CNTNAP5: variants seen among roughly 807,000 people sequenced by gnomAD.
The protein encoded by CNTNAP5 is contactin-associated protein-like 5.
CNTNAP5 carries 72 observed loss-of-function variants against 150.2 expected under a neutral mutation model. The observed-to-expected ratio is 0.48, with a 90% confidence interval of 0.40 to 0.58. CNTNAP5 has a LOEUF of 0.58. CNTNAP5 is among the 20% of genes least tolerant of loss of function. The probability of loss-of-function intolerance (pLI) is 0.00; values close to 1 mark genes in which losing one functional copy is unlikely to be tolerated. For missense variants in CNTNAP5, 1,636 were observed against 1,626.2 expected, an observed-to-expected ratio of 1.01 and a Z score of -0.10; for synonymous variants, 672 against 619.8, an observed-to-expected ratio of 1.08 and a Z score of -1.25.
chr2:124,787,857 C>T (rs1681631972), intron 17 of CNTNAP5, among the ~76,000 whole-genome samples: 1 of 152,198 alleles, frequency 6.6e-6, no homozygotes. Flanking sequence ...GATAAGGACA[C>T]ATTTGTATCT....
intron 1 of CNTNAP5, among the ~76,000 whole-genome samples, chr2:124,147,782 G>A (rs904197652): frequency 2.0e-5 from 3 of 152,166 alleles, no homozygotes; most frequent in African/African-American, 7.2e-5. Flanking sequence ...AGGGCATAGA[G>A]GCTTGGGCTC....
Position 124,243,092 on chromosome 2 carries a change from T to C in CNTNAP5, c.381+699T>C, listed in dbSNP as rs150944626. Among the ~76,000 whole-genome samples the C allele has an allele frequency of 5.2e-4, 79 of 152,230 alleles. No individual in the cohort carries two copies. In the East Asian group the frequency reaches 0.012, roughly 23 times the overall value. ...TGTGGGTGAAAGGCTGTCAGCAAAT[T>C]ATTAATGGAGGAAAAGGTGGAGGTG... On this transcript the variant is annotated intron_variant, in intron 3 of 23. Transcript: ENST00000682447.
chr2:124,393,670 G>A (rs534306702), intron 3 of CNTNAP5, among the ~76,000 whole-genome samples: 1 of 152,232 alleles, frequency 6.6e-6, no homozygotes, highest in African/African-American at 2.4e-5. Flanking sequence ...CAGATCTCCT[G>A]CACCCCAAAA....
At chr2:124,757,015 A>G (rs1680854118) in intron 14 of CNTNAP5, among the ~76,000 whole-genome samples, 1 of 152,222 alleles carries the variant, frequency 6.6e-6, no homozygotes, top group Admixed American at 6.5e-5. Flanking sequence ...AACAGAAGTA[A>G]TAGCATGCCA....
At chr2:124,846,479 A>G (rs1683050429) in intron 19 of CNTNAP5, among the ~76,000 whole-genome samples, 1 of 152,012 alleles carries the variant, frequency 6.6e-6, no homozygotes, top group African/African-American at 2.4e-5. Flanking sequence ...CATATCCTGT[A>G]TCAGGTTTTT....
intron 3 of CNTNAP5, among the ~76,000 whole-genome samples, chr2:124,266,145 T>C (rs1443254700): frequency 6.6e-6 from 1 of 152,146 alleles, no homozygotes; most frequent in Non-Finnish European, 1.5e-5. Flanking sequence ...TGTTAAGCCC[T>C]ATTCCCAAAC....
intron 13 of CNTNAP5, among the ~76,000 whole-genome samples, chr2:124,665,735 A>C (rs1489319096): frequency 6.6e-6 from 1 of 151,794 alleles, no homozygotes; most frequent in African/African-American, 2.4e-5. Context: ...AAATACAAAA[A>C]ATTAGCCGGG....
chr2:124,837,273 T>C (rs988508859), intron 19 of CNTNAP5, among the ~76,000 whole-genome samples: 2 of 151,764 alleles, frequency 1.3e-5, no homozygotes, highest in Non-Finnish European at 2.9e-5. Flanking sequence ...ACAGGGTAGG[T>C]GGGGCATGTG....
Position 124,104,929 on chromosome 2 carries a change from TA to T in CNTNAP5, c.82+79199del, listed in dbSNP as rs1305843916. The stretch of plus-strand genomic sequence containing the variant: ...TATTATACACAGTTAGAAATGTGCA[TA>T]ATCATATACAGTTAAAGTTTCCTGA... On this transcript the variant is annotated intron_variant, in intron 1 of 23. Transcript: ENST00000682447. 3.3e-5 allele frequency among the ~76,000 whole-genome samples: 5 copies of T among 151,964 alleles called. No individual in the cohort carries two copies. The East Asian group carries it at 9.6e-4, about 29-fold the overall frequency.
At chr2:124,671,876 G>A (rs1456714910) in intron 13 of CNTNAP5, among the ~76,000 whole-genome samples, 1 of 152,116 alleles carries the variant, frequency 6.6e-6, no homozygotes, top group Non-Finnish European at 1.5e-5. Flanking sequence ...CTGACCTCAG[G>A]TGATCCTCCC....
At chr2:124,411,408 A>T (rs139581168) in intron 3 of CNTNAP5, among the ~76,000 whole-genome samples, 6,361 of 152,000 alleles carry the variant, frequency 0.042, 170 homozygotes, top group Non-Finnish European at 0.054. Context: ...TACCAAAGCC[A>T]GGCAGAGACA....
At chr2:124,797,967 A>G in intron 18 of CNTNAP5, 129 bp from the exon 19 acceptor site, 1 of 638,198 alleles carries the variant, frequency 1.6e-6, no homozygotes, top group East Asian at 2.7e-5. Context: ...TGTGGGGAAC[A>G]TGTTGTCTGA....
chr2:124,353,674 A>G (rs1689929575), intron 3 of CNTNAP5, among the ~76,000 whole-genome samples: 2 of 152,008 alleles, frequency 1.3e-5, no homozygotes, highest in African/African-American at 4.8e-5. Flanking sequence ...ACTATAGAAC[A>G]GAAGCAGTGA....
At chr2:124,134,218 T>TTAGG (rs1198078575) in intron 1 of CNTNAP5, among the ~76,000 whole-genome samples, 1 of 152,150 alleles carries the variant, frequency 6.6e-6, no homozygotes, top group East Asian at 1.9e-4. Context: ...CACTGGACCA[T>TTAGG]TAGTTGCCTA....
rs548189546 is a variant in CNTNAP5, at chr2:124,298,157, T to C, written c.381+55764T>C. ...TCTTCCTTTTTTCTTATTTGTTTCT[T>C]TTTTAAAACTTTTATTTTAAGTTCA... On this transcript the variant is annotated intron_variant, in intron 3 of 23. Coordinates refer to ENST00000682447, the MANE Select transcript of CNTNAP5 (RefSeq NM_001367498.1). 2.6e-5 allele frequency among the ~76,000 whole-genome samples: 4 copies of C among 152,286 alleles called. No homozygotes were observed. The East Asian group carries it at 5.8e-4, about 22-fold the overall frequency.
At chr2:124,386,699 T>C (rs191434663) in intron 3 of CNTNAP5, among the ~76,000 whole-genome samples, 58 of 152,092 alleles carry the variant, frequency 3.8e-4, no homozygotes, top group Admixed American at 3.0e-3. Context: ...CCTCAGTGCC[T>C]TCAGTGTTCC....
At chr2:124,805,171 A>C (rs1437804113) in intron 19 of CNTNAP5, among the ~76,000 whole-genome samples, 1 of 152,146 alleles carries the variant, frequency 6.6e-6, no homozygotes, top group African/African-American at 2.4e-5. Flanking sequence ...GTCCTCTTGA[A>C]AACCGGCTGT....
intron 16 of CNTNAP5, among the ~76,000 whole-genome samples, chr2:124,766,333 A>C (rs1004356935): frequency 1.3e-5 from 2 of 152,062 alleles, no homozygotes; most frequent in African/African-American, 4.8e-5. Flanking sequence ...TGACTGCATG[A>C]AATACCCTTG....
chr2:124,781,550 G>A (rs531953378), intron 17 of CNTNAP5, among the ~76,000 whole-genome samples: 27 of 152,286 alleles, frequency 1.8e-4, no homozygotes, highest in Middle Eastern at 3.4e-3. Context: ...TGCTAAGCCA[G>A]TTGCTCACTT....
Sources: allele counts gnomAD v4.1 joint callset (sites outside exome capture counted in the v4.1 genomes callset), GRCh38; gene constraint gnomAD v4.1.1; transcripts MANE v1.5; gene names NCBI Gene and HGNC (gene_info 2026-07-23, HGNC 2026-07-21).